Variants in ZNF469 observed in about 807,000 individuals in gnomAD.
The protein encoded by ZNF469 is zinc finger protein 469.
Under a neutral mutation model 1.0 loss-of-function variants are expected in ZNF469, and 1 was observed. The observed-to-expected ratio is 1.00, with a 90% CI of 0.35 to 4.73. The LOEUF is 4.73. ZNF469 is among the 30% of genes most tolerant of loss of function. The probability of loss-of-function intolerance (pLI) is 0.16; values close to 1 mark genes in which losing one functional copy is unlikely to be tolerated. For missense variants in ZNF469, 6,100 were observed against 5,356.3 expected, an observed-to-expected ratio of 1.14 and a Z score of -4.33; for synonymous variants, 2,703 against 2,363.4, an observed-to-expected ratio of 1.14 and a Z score of -4.17.
Position 88,438,988 on chromosome 16 carries a change from G to GC in ZNF469, c.11522dup (p.Asp3842Ter), listed in dbSNP as rs1906808787. Reference sequence around the variant, plus strand: ...GGGGAGCTTCGGGAGAGCCCCCTCAGCCCCTGACAAGCCCCCCCGGACCCC... The same window carrying GC: ...GGGGAGCTTCGGGAGAGCCCCCTCAGCCCCCTGACAAGCCCCCCCGGACCCC... On this transcript the variant is annotated frameshift_variant, in exon 3 of 3. Coordinates refer to ENST00000565624, the MANE Select transcript of ZNF469 (RefSeq NM_001367624.2). LOFTEE classifies it low-confidence loss of function (END_TRUNC). The GC allele has an allele frequency of 6.5e-7, 1 of 1,550,164 alleles. No homozygotes were observed. Among genetic ancestry groups the GC allele is most frequent in the African/African-American group, 1.4e-5 (1 of 73,012 alleles).
At chr16:88,186,647 C>T in the ZNF469 span, among the ~76,000 whole-genome samples, 3 of 152,164 alleles carry the variant, frequency 2.0e-5, no homozygotes, top group African/African-American at 4.8e-5. Flanking sequence ...GGGCCCACCT[C>T]CCCCGGCAGA....
the ZNF469 span, among the ~76,000 whole-genome samples, chr16:88,161,841 C>T: frequency 3.9e-5 from 6 of 152,198 alleles, no homozygotes; most frequent in Admixed American, 3.3e-4. Flanking sequence ...TGCAGTGTTA[C>T]AGTTTTACTG....
the ZNF469 span, among the ~76,000 whole-genome samples, chr16:88,186,440 G>A: frequency 1.3e-5 from 2 of 152,174 alleles, no homozygotes; most frequent in Non-Finnish European, 2.9e-5. Flanking sequence ...GCGGCCCATC[G>A]TGCGCTGGGG....
the ZNF469 span, among the ~76,000 whole-genome samples, chr16:88,102,280 G>A: frequency 2.4e-3 from 362 of 152,338 alleles, 2 homozygotes; most frequent in Middle Eastern, 6.8e-3. Flanking sequence ...ACTTTGGGAG[G>A]CCAAGGCGGG....
the ZNF469 span, among the ~76,000 whole-genome samples, chr16:88,254,524 G>A: frequency 2.0e-5 from 3 of 152,204 alleles, no homozygotes; most frequent in East Asian, 1.9e-4. Flanking sequence ...TGGGGAGGCC[G>A]AGGTGGGCAG....
rs145186655 is a variant in ZNF469 at position 88,430,136 on chromosome 16, C to T, written c.2666C>T (p.Ala889Val). The change falls in exon 3 of 3, where the codon GCG (alanine) becomes GTG (valine). Residue 889 changes from alanine to valine, a missense_variant. Transcript: ENST00000565624. ...PSSGHPLKSK[A>V]GVTPESKAPP... is the part of the protein sequence containing the mutation. ...TCCGGACACCCCCTTAAGAGCAAGG[C>T]GGGGGTGACTCCAGAGAGCAAAGCT... The T allele has an allele frequency of 2.0e-3, 3,102 of 1,550,136 alleles. 46 individuals carry two copies. In the African/African-American group the frequency reaches 0.035, roughly 18 times the overall value.
At chr16:88,225,984 G>A in the ZNF469 span, among the ~76,000 whole-genome samples, 1 of 152,034 alleles carries the variant, frequency 6.6e-6, no homozygotes, top group Admixed American at 6.6e-5. Flanking sequence ...CCTTGCACAT[G>A]GCAGAAGGGC....
chr16:88,205,210 T>A, the ZNF469 span, among the ~76,000 whole-genome samples: 28 of 152,166 alleles, frequency 1.8e-4, no homozygotes. This position sits in a 1 kb window ranked among gnomAD's most constrained non-coding sequence, Gnocchi z 4.2. Context: ...GAAAATAATA[T>A]CCGAATACAT....
the ZNF469 span, among the ~76,000 whole-genome samples, chr16:88,164,164 GT>G: frequency 6.6e-6 from 1 of 151,714 alleles, no homozygotes; most frequent in Non-Finnish European, 1.5e-5. Context: ...ATAGATGAAT[GT>G]ATGGATGGAT....
chr16:88,203,728 C>CTCTGTG, the ZNF469 span, among the ~76,000 whole-genome samples: 2 of 150,014 alleles, frequency 1.3e-5, no homozygotes, highest in Non-Finnish European at 3.0e-5. Flanking sequence ...GTGTCTGTCC[C>CTCTGTG]TGTGTGTGTG....
chr16:88,289,930 C>T, the ZNF469 span, among the ~76,000 whole-genome samples: 1 of 152,184 alleles, frequency 6.6e-6, no homozygotes, highest in African/African-American at 2.4e-5. Flanking sequence ...GAAGACTCAG[C>T]CTCTTATTTA....
chr16:88,269,905 C>T, the ZNF469 span, among the ~76,000 whole-genome samples: 2 of 152,214 alleles, frequency 1.3e-5, no homozygotes, highest in East Asian at 1.9e-4. Context: ...TTCTCCTGCC[C>T]ACGCCCTGGA....
At chr16:88,254,034 C>G in the ZNF469 span, among the ~76,000 whole-genome samples, 1 of 151,698 alleles carries the variant, frequency 6.6e-6, no homozygotes, top group Non-Finnish European at 1.5e-5. Context: ...CCAAATTTAA[C>G]TTTTTTCTTT....
chr16:88,243,947 T>TAA, the ZNF469 span, among the ~76,000 whole-genome samples: 1 of 120,194 alleles, frequency 8.3e-6, no homozygotes, highest in Admixed American at 8.5e-5. Flanking sequence ...TATATATATA[T>TAA]ATATAAATGT....
intron 1 of ZNF469, among the ~76,000 whole-genome samples, chr16:88,385,558 G>T (rs917676171): frequency 6.6e-6 from 1 of 151,416 alleles, no homozygotes; most frequent in African/African-American, 2.4e-5. Flanking sequence ...AGAAAGGATT[G>T]CTTAAACCCA....
the ZNF469 span, among the ~76,000 whole-genome samples, chr16:88,136,011 C>T: frequency 2.0e-5 from 3 of 151,910 alleles, no homozygotes; most frequent in Non-Finnish European, 2.9e-5. Flanking sequence ...CACCCACCTT[C>T]GCCTCCCAAA....
intron 1 of ZNF469, among the ~76,000 whole-genome samples, chr16:88,386,343 T>C (rs12325615): frequency 0.62 from 94,886 of 151,848 alleles, 30,333 homozygotes; most frequent in African/African-American, 0.76. Context: ...TCAGGATGTG[T>C]GTTCTCTCTT....
Position 88,435,574 on chromosome 16 carries a change from G to A in ZNF469, c.8104G>A (p.Val2702Met). 1 of 1,550,038 alleles carries A rather than the reference G, an allele frequency of 6.5e-7. No homozygotes were observed. Among genetic ancestry groups the A allele is most frequent in the Non-Finnish European group, 8.7e-7 (1 of 1,146,960 alleles). The change falls in exon 3 of 3, where the codon GTG (valine) becomes ATG (methionine). Residue 2702 changes from valine to methionine, a missense_variant. Coordinates refer to ENST00000565624, the MANE Select transcript of ZNF469 (RefSeq NM_001367624.2). The part of the protein sequence containing the change: ...PPRLATLGPG[V>M]MEGAAETDQE... ...TCGCTTGGCCACTCTGGGACCTGGGGTGATGGAGGGTGCAGCGGAGACTGA... is the reference window on the plus strand; with the variant it reads ...TCGCTTGGCCACTCTGGGACCTGGGATGATGGAGGGTGCAGCGGAGACTGA...
the ZNF469 span, among the ~76,000 whole-genome samples, chr16:88,252,627 G>A: frequency 5.4e-3 from 818 of 152,242 alleles, 21 homozygotes; most frequent in Admixed American, 0.04. Flanking sequence ...GAAGTTCTTC[G>A]CTAAATACTT....
Sources: allele counts gnomAD v4.1 joint callset (sites outside exome capture counted in the v4.1 genomes callset), GRCh38; gene constraint gnomAD v4.1.1; non-coding constraint Gnocchi (gnomAD v3.1); transcripts MANE v1.5; gene names NCBI Gene and HGNC (gene_info 2026-07-23, HGNC 2026-07-21).